The following CD8A variants were observed in gnomAD, a reference collection of about 807,000 sequenced individuals.
The protein encoded by CD8A is T-cell surface glycoprotein CD8 alpha chain.
Under a neutral mutation model 24.2 loss-of-function variants are expected in CD8A, and 25 were observed. That is an observed-to-expected ratio of 1.03 (90% CI 0.75 to 1.44). CD8A has a LOEUF of 1.44. CD8A is among the 40% of genes most tolerant of loss of function. The pLI is 0.00. For synonymous variants in CD8A, 165 were observed against 149.9 expected (o/e 1.10, Z -0.74); for missense variants, 360 against 319.7 (o/e 1.13, Z -0.96).
chr2:86,793,756 T>C (rs1014926274), upstream of CD8A, among the ~76,000 whole-genome samples: 24 of 152,218 alleles, frequency 1.6e-4, no homozygotes, highest in Non-Finnish European at 2.5e-4. Flanking sequence ...CTGAGTGTGA[T>C]GATGGCCAGA....
At position 86,784,981 on chromosome 2, in the gene CD8A, C is replaced by A. The variant is rs1336354626; in HGVS notation, c.*939G>T. ...CAGGGCTGTGTGAGGGGCTCTCCAA[C>A]AATTGTCTTTACAAAGTATAAAAAG... On this transcript the variant is annotated 3_prime_UTR_variant, in exon 6 of 6. Coordinates refer to ENST00000283635, the MANE Select transcript of CD8A (RefSeq NM_001768.7). 1 of 454,074 alleles carries A rather than the reference C, an allele frequency of 2.2e-6. No individual in the cohort carries two copies. The highest frequency in any genetic ancestry group is 2.3e-5 in the Admixed American group (1 of 42,578). The allele number at this position is 454,074 out of a possible 1,614,324, so 28.1% of individuals were successfully genotyped here.
intron 3 of CD8A, among the ~76,000 whole-genome samples, chr2:86,800,499 T>C (rs144606010): frequency 6.6e-6 from 1 of 152,140 alleles, no homozygotes; most frequent in East Asian, 1.9e-4. Flanking sequence ...CACAATATTG[T>C]TTGTATTGGA....
At position 86,788,686 on chromosome 2, in the gene CD8A, A is replaced by G. The variant is rs556254480; in HGVS notation, c.626-126T>C. 18 of 836,480 alleles carry G rather than the reference A, an allele frequency of 2.2e-5. No individual in the cohort carries two copies. In the South Asian group the frequency reaches 2.6e-4, roughly 12 times the overall value. The allele number at this position is 836,480 out of a possible 1,614,324, so 51.8% of individuals were successfully genotyped here. On this transcript the variant is annotated intron_variant, in intron 4 of 5. Coordinates refer to ENST00000283635, the MANE Select transcript of CD8A (RefSeq NM_001768.7). The stretch of plus-strand genomic sequence containing the variant: ...TTTTGGTTTTACAAAAAATCATTTC[A>G]GAACGATCATGGGCTGAAATTGGAT...
rs1673229148 is a variant in CD8A, at chr2:86,790,405, T to A, written c.326A>T (p.Asn109Ile). The A allele has an allele frequency of 8.7e-6, 14 of 1,613,918 alleles. No individual in the cohort carries two copies. Among genetic ancestry groups the A allele is most frequent in the African/African-American group, 1.3e-5 (1 of 74,902 alleles). Residue 109 changes from asparagine to isoleucine, a missense_variant, in exon 2 of 6, where the codon AAC becomes ATC. Transcript: ENST00000283635. ...GGCCGAGCAGAAATAGTAGCCCTCG[T>A]TCTCTCGGCGGAAGTCGCTCAGGGT... ...VLTLSDFRRE[N>I]EGYYFCSALS...
At chr2:86,786,000 T>C (rs1344059920) in intron 5 of CD8A, 29 bp from the exon 6 acceptor site, 33 of 1,593,106 alleles carry the variant, frequency 2.1e-5, no homozygotes, top group Non-Finnish European at 2.5e-5. Context: ...ACCATCATTG[T>C]AGCCAGAACC....
At chr2:86,791,269 A>G (rs1673298297), upstream of CD8A, 1 of 371,002 alleles carries the variant, frequency 2.7e-6, no homozygotes, top group African/African-American at 2.1e-5. Context: ...CGTCTCTTGT[A>G]CTGTCACCTT....
chr2:86,784,720 T>A lies in CD8A; in HGVS notation c.*1200A>T, dbSNP rs1318792592. 3 of 453,510 alleles carry A rather than the reference T, an allele frequency of 6.6e-6. No homozygotes were observed. The highest frequency in any genetic ancestry group is 1.4e-4 in the East Asian group (2 of 14,402). 28.1% of individuals were successfully genotyped at this position (453,510 alleles called of 1,614,324 possible). A position where few individuals can be genotyped will look rare whatever the true frequency, so the allele number is the denominator to read the frequency against. On this transcript the variant is annotated 3_prime_UTR_variant, in exon 6 of 6. Transcript: ENST00000283635. ...GAAAGACATATTTTACATGTATGTG[T>A]AGAAAATAATCAGGAAGAATGTACA...
intron 2 of CD8A, 118 bp downstream of exon 2, chr2:86,790,210 G>T: frequency 1.3e-6 from 1 of 779,082 alleles, no homozygotes; most frequent in Non-Finnish European, 2.2e-6. Context: ...AATGGGAACA[G>T]TATCTAAGTC....
rs1428896179 is a variant in CD8A, at chr2:86,784,949, C to T, written c.*971G>A. ...CTCATCCCTGTATCTGCTAGTTGAGCAGAGGCCAGGGCTGTGTGAGGGGCT... is the reference window on the plus strand; with the variant it reads ...CTCATCCCTGTATCTGCTAGTTGAGTAGAGGCCAGGGCTGTGTGAGGGGCT... On this transcript the variant is annotated 3_prime_UTR_variant, in exon 6 of 6. Transcript: ENST00000283635. 1 of 454,080 alleles carries T rather than the reference C, an allele frequency of 2.2e-6. No individual in the cohort carries two copies. Among genetic ancestry groups the T allele is most frequent in the Non-Finnish European group, 4.4e-6 (1 of 226,796 alleles). 28.1% of individuals were successfully genotyped at this position (454,080 alleles called of 1,614,324 possible).
intron 5 of CD8A, among the ~76,000 whole-genome samples, chr2:86,787,780 G>A (rs1673077723): frequency 2.0e-5 from 3 of 152,096 alleles, no homozygotes; most frequent in Admixed American, 2.0e-4. Context: ...AAGAGAGATG[G>A]GGAGTATTAC....
intron 5 of CD8A, 147 bp downstream of exon 5, chr2:86,788,383 T>G (rs1673111594): frequency 1.4e-6 from 1 of 725,228 alleles, no homozygotes; most frequent in African/African-American, 1.8e-5. Flanking sequence ...GGCCTCTCTT[T>G]GCTCAGGAAC....
chr2:86,804,958 A>G (rs2104465596), intron 2 of CD8A, among the ~76,000 whole-genome samples: 1 of 152,070 alleles, frequency 6.6e-6, no homozygotes, highest in South Asian at 2.1e-4. Flanking sequence ...ACACGCCACC[A>G]TGCCTGGCTA....
upstream of CD8A, among the ~76,000 whole-genome samples, chr2:86,792,173 G>A (rs1480305067): frequency 2.0e-5 from 3 of 152,032 alleles, no homozygotes; most frequent in African/African-American, 7.2e-5. Flanking sequence ...CTTTTTGACT[G>A]TTGCTGTCCT....
chr2:86,790,866 G>A lies in CD8A; in HGVS notation c.-41C>T. 18 of 1,530,784 alleles carry A rather than the reference G, an allele frequency of 1.2e-5. No homozygotes were observed. The highest frequency in any genetic ancestry group is 4.9e-5 in the East Asian group (2 of 40,944). The allele number at this position is 1,530,784 out of a possible 1,614,324, so 94.8% of individuals were successfully genotyped here. On this transcript the variant is annotated 5_prime_UTR_variant, in exon 1 of 6. Transcript: ENST00000283635. The stretch of plus-strand genomic sequence containing the variant: ...ACGCTGCTTGGCTCGAAGCTCGGGC[G>A]CGAGGGGAGGCGCGCGGGAGCCGGT...
intron 5 of CD8A, among the ~76,000 whole-genome samples, chr2:86,787,036 A>AAAAAAAAAAAAAAAAAAAAAAG (rs1375316030): frequency 7.1e-6 from 1 of 141,080 alleles, no homozygotes; most frequent in Non-Finnish European, 1.5e-5. Context: ...AAAAAAAAAA[A>AAAAAAAAAAAAAAAAAAAAAAG]AAAAGAAAAG....
intron 5 of CD8A, 150 bp from the exon 6 acceptor site, chr2:86,786,121 A>G: frequency 1.3e-6 from 1 of 752,796 alleles, no homozygotes; most frequent in Non-Finnish European, 2.4e-6. Flanking sequence ...GAATGACGTC[A>G]GCACAGCACC....
In CD8A at chr2:86,789,701, G is replaced by A. The variant is rs1421829829; in HGVS notation, c.453C>T (p.Thr151=). 5 of 1,393,596 alleles carry A rather than the reference G, an allele frequency of 3.6e-6. No individual in the cohort carries two copies. The highest frequency in any genetic ancestry group is 1.7e-5 in the South Asian group (1 of 57,290). 86.3% of individuals were successfully genotyped at this position (1,393,596 alleles called of 1,614,324 possible). ...PAPRPPTPAP[T]IASQPLSLRP... ...GCAGGGACAGGGGCTGCGACGCGAT[G>A]GTGGGCGCCGGTGTTGGTGGTCGCG... Residue 151 remains threonine, a synonymous_variant, in exon 3 of 6, where the codon ACC becomes ACT. Transcript: ENST00000283635.
intron 3 of CD8A, among the ~76,000 whole-genome samples, chr2:86,799,698 G>T (rs1231582631): frequency 6.6e-6 from 1 of 152,100 alleles, no homozygotes; most frequent in Non-Finnish European, 1.5e-5. Context: ...GGAGCTTCCA[G>T]TGAGCCAAGA....
At chr2:86,790,932 G>A (rs916842463), upstream of CD8A, 4 of 1,092,810 alleles carry the variant, frequency 3.7e-6, no homozygotes, top group African/African-American at 1.6e-5. Context: ...CGGCCGGCCC[G>A]GAGCCTGATT....
Sources: allele counts gnomAD v4.1 joint callset (sites outside exome capture counted in the v4.1 genomes callset), GRCh38; gene constraint gnomAD v4.1.1; transcripts MANE v1.5; gene names NCBI Gene and HGNC (gene_info 2026-07-23, HGNC 2026-07-21).